The following IGSF3 variants were observed in gnomAD, a reference collection of about 807,000 sequenced individuals.
The protein encoded by IGSF3 is immunoglobulin superfamily member 3.
IGSF3 carries 23 observed loss-of-function variants against 114.4 expected under a neutral mutation model. That is an observed-to-expected ratio of 0.20 (90% CI 0.14 to 0.28). IGSF3 has a LOEUF of 0.28. Ranked by LOEUF, IGSF3 falls within the 10% of genes least tolerant of loss-of-function variation. IGSF3 has a pLI of 1.00. For synonymous variants in IGSF3, 571 were observed against 645.2 expected (o/e 0.88, Z 1.74); for missense variants, 1,172 against 1,591.5 (o/e 0.74, Z 4.48).
Position 116,648,016 on chromosome 1 carries a change from A to G in IGSF3, c.43+18268T>C, listed in dbSNP as rs566482651. Among the ~76,000 whole-genome samples, 1 of 152,200 alleles carries G rather than the reference A, an allele frequency of 6.6e-6. No homozygotes were observed. The highest frequency in any genetic ancestry group is 2.4e-5 in the African/African-American group (1 of 41,442). On this transcript the variant is annotated intron_variant, in intron 2 of 10. Transcript: ENST00000369486. This position sits in a 1 kb window ranked among gnomAD's most constrained non-coding sequence, Gnocchi z 4.7. ...TTACTCGGGAGGCTGAGGCAGGAGA[A>G]TCGCTTGAACCTGGGAGGCAGAGGT...
rs1660264029 is a variant in IGSF3, at chr1:116,594,631, G to A, written c.2029+5310C>T. On this transcript the variant is annotated intron_variant, in intron 7 of 10. Coordinates refer to ENST00000369486, the MANE Select transcript of IGSF3 (RefSeq NM_001007237.3). This position sits in a 1 kb window ranked among gnomAD's most constrained non-coding sequence, Gnocchi z 5.2. ...CACAGCTGGCTTAGTGGTAGAGCTG[G>A]AATTCAAACCCAGGCCGTCTGGTCT... 6.6e-6 allele frequency among the ~76,000 whole-genome samples: 1 copy of A among 152,162 alleles called. No individual in the cohort carries two copies. The highest frequency in any genetic ancestry group is 2.4e-5 in the African/African-American group (1 of 41,428).
rs1176188551 is a variant in IGSF3 at position 116,634,140 on chromosome 1, A to T, written c.44-17683T>A. On this transcript the variant is annotated intron_variant, in intron 2 of 10. Coordinates refer to ENST00000369486, the MANE Select transcript of IGSF3 (RefSeq NM_001007237.3). This position sits in a 1 kb window ranked among gnomAD's most constrained non-coding sequence, Gnocchi z 4.2. ...AGCAGACTTAATTTGCACTGTGTAC[A>T]TCCTTCGGTATCCTTTTTAATTGAA... 6.6e-6 allele frequency among the ~76,000 whole-genome samples: 1 copy of T among 152,262 alleles called. No homozygotes were observed.
At chr1:116,619,689 C>T (rs1661350008) in intron 2 of IGSF3, among the ~76,000 whole-genome samples, 1 of 152,148 alleles carries the variant, frequency 6.6e-6, no homozygotes, top group South Asian at 2.1e-4. Flanking sequence ...GGCTCCCAAA[C>T]CTGACCAGGG....
In IGSF3 at chr1:116,610,958, T is replaced by G. The variant is rs1256737252; in HGVS notation, c.833-2627A>C. On this transcript the variant is annotated intron_variant, in intron 4 of 10. Transcript: ENST00000369486. This position sits in a 1 kb window ranked among gnomAD's most constrained non-coding sequence, Gnocchi z 4.3. ...GCAAAAGTCCCGCATGTCCTCATTATTGTTCCTTCCCTCCCACAGTTCAAG... is the reference window on the plus strand; with the variant it reads ...GCAAAAGTCCCGCATGTCCTCATTAGTGTTCCTTCCCTCCCACAGTTCAAG... Among the ~76,000 whole-genome samples the G allele has an allele frequency of 6.6e-6, 1 of 152,218 alleles. No individual in the cohort carries two copies. The highest frequency in any genetic ancestry group is 1.5e-5 in the Non-Finnish European group (1 of 68,034).
rs573853652 is a variant in IGSF3, at chr1:116,612,066, T to A, written c.832+1699A>T. Among the ~76,000 whole-genome samples the A allele has an allele frequency of 6.6e-6, 1 of 152,330 alleles. No homozygotes were observed. The highest frequency in any genetic ancestry group is 6.5e-5 in the Admixed American group (1 of 15,312). On this transcript the variant is annotated intron_variant, in intron 4 of 10. Transcript: ENST00000369486. This position sits in a 1 kb window ranked among gnomAD's most constrained non-coding sequence, Gnocchi z 4.1. ...TTTCCTTTTGCTGGCTTAGTCTAGA[T>A]ACATTTTCAGGGTAAATTCAAAAAG...
Position 116,627,551 on chromosome 1 carries a change from C to A in IGSF3, c.44-11094G>T, listed in dbSNP as rs1052518264. Among the ~76,000 whole-genome samples the A allele has an allele frequency of 3.9e-5, 6 of 152,248 alleles. No individual in the cohort carries two copies. Among genetic ancestry groups the A allele is most frequent in the African/African-American group, 1.4e-4 (6 of 41,468 alleles). On this transcript the variant is annotated intron_variant, in intron 2 of 10. Coordinates refer to ENST00000369486, the MANE Select transcript of IGSF3 (RefSeq NM_001007237.3). This position sits in a 1 kb window ranked among gnomAD's most constrained non-coding sequence, Gnocchi z 4.7. ...AGTGCGCCTCTCAATGCTCTCACAG[C>A]TTCAGGAAGAGGACTGCTAAGCCCA...
intron 2 of IGSF3, among the ~76,000 whole-genome samples, chr1:116,631,399 C>G (rs1647581290): frequency 6.8e-6 from 1 of 146,612 alleles, no homozygotes; most frequent in African/African-American, 2.5e-5. Flanking sequence ...AATAAGGAAA[C>G]AGATATTCCA....
intron 2 of IGSF3, among the ~76,000 whole-genome samples, chr1:116,622,866 G>A (rs942643218): frequency 1.3e-5 from 2 of 152,238 alleles, no homozygotes; most frequent in Non-Finnish European, 2.9e-5. Context: ...GTGAATATCA[G>A]TGAGAAGTAA....
Position 116,592,208 on chromosome 1 carries a change from A to G in IGSF3, c.2030-3104T>C, listed in dbSNP as rs536417808. ...CAAGATCCCCAGGTGATTCACAAGT[A>G]GCTTCAAGCCTGAGAAACCCTGGAC... On this transcript the variant is annotated intron_variant, in intron 7 of 10. Transcript: ENST00000369486. This position sits in a 1 kb window ranked among gnomAD's most constrained non-coding sequence, Gnocchi z 4.5. Among the ~76,000 whole-genome samples, 3 of 152,358 alleles carry G rather than the reference A, an allele frequency of 2.0e-5. No individual in the cohort carries two copies. The highest frequency in any genetic ancestry group is 7.2e-5 in the African/African-American group (3 of 41,594).
intron 9 of IGSF3, among the ~76,000 whole-genome samples, chr1:116,581,136 T>C (rs756788051): frequency 3.3e-5 from 5 of 152,136 alleles, no homozygotes; most frequent in Admixed American, 6.5e-5. Context: ...TCTCCAAGGA[T>C]TAAAGCCAGA....
In IGSF3 at chr1:116,584,803, G is replaced by A. The variant is rs530790201; in HGVS notation, c.2690C>T (p.Ser897Phe). 5.6e-6 allele frequency: 9 copies of A among 1,614,262 alleles called. No individual in the cohort carries two copies. The South Asian group carries it at 7.7e-5, about 14-fold the overall frequency. Residue 897 changes from serine to phenylalanine, a missense_variant, in exon 9 of 11, where the codon TCC (serine) becomes TTC (phenylalanine). Around this residue, in one of 3 missense-constraint regions of IGSF3, gnomAD observed 423 missense variants for 509.8 expected, o/e 0.83. Transcript: ENST00000369486. This position sits in a 1 kb window ranked among gnomAD's most constrained non-coding sequence, Gnocchi z 5.8. ...GATGAAGAGACGGTACACGCCGGGG[G>A]AAGGACTCTCCAAATGCAGCCGCCC... ...LKGRLHLESPSPGVYRLFIQN... is the reference protein window; with the variant it reads ...LKGRLHLESPFPGVYRLFIQN...
rs1647942765 is a variant in IGSF3 at position 116,638,672 on chromosome 1, A to T, written c.44-22215T>A. ...TCTCTTGTGTTGGTGAGCTAAAAAC[A>T]AGATGGAAAAGAAAAGAGAAGAGGA... On this transcript the variant is annotated intron_variant, in intron 2 of 10. Coordinates refer to ENST00000369486, the MANE Select transcript of IGSF3 (RefSeq NM_001007237.3). This position sits in a 1 kb window ranked among gnomAD's most constrained non-coding sequence, Gnocchi z 4.1. 6.6e-6 allele frequency among the ~76,000 whole-genome samples: 1 copy of T among 152,244 alleles called. No individual in the cohort carries two copies. Among genetic ancestry groups the T allele is most frequent in the Non-Finnish European group, 1.5e-5 (1 of 68,040 alleles).
At chr1:116,581,462 G>C (rs972313103) in intron 9 of IGSF3, among the ~76,000 whole-genome samples, 1 of 151,686 alleles carries the variant, frequency 6.6e-6, no homozygotes, top group African/African-American at 2.4e-5. Context: ...AACTGAAGTA[G>C]AGATACCAAA....
Position 116,614,011 on chromosome 1 carries a change from T to G in IGSF3, c.586A>C (p.Ile196Leu), listed in dbSNP as rs889314761. ...AGCATGAAATCTCGGCTCAGGGAGA[T>G]GACCTCCACGGGCTTCTCGCCAACT... ...QKVGEKPVEV[I>L]SLSRDFMLHS... Residue 196 changes from isoleucine (I) to leucine (L), a missense_variant, in exon 4 of 11, where the codon ATC becomes CTC. Coordinates refer to ENST00000369486, the MANE Select transcript of IGSF3 (RefSeq NM_001007237.3). This position sits in a 1 kb window ranked among gnomAD's most constrained non-coding sequence, Gnocchi z 4.5. 1.2e-6 allele frequency: 2 copies of G among 1,614,054 alleles called. No individual in the cohort carries two copies. The highest frequency in any genetic ancestry group is 1.7e-6 in the Non-Finnish European group (2 of 1,179,962).
rs558491940 is a variant in IGSF3, at chr1:116,638,968, G to A, written c.44-22511C>T. 6.0e-4 allele frequency among the ~76,000 whole-genome samples: 91 copies of A among 152,312 alleles called. No homozygotes were observed. The highest frequency in any genetic ancestry group is 1.1e-3 in the Non-Finnish European group (73 of 68,030). ...GCCACTGCCCAGGAAAAAAGTCACA[G>A]GTAGGAAGACAAGCATAGAATTAAG... On this transcript the variant is annotated intron_variant, in intron 2 of 10. Coordinates refer to ENST00000369486, the MANE Select transcript of IGSF3 (RefSeq NM_001007237.3). This position sits in a 1 kb window ranked among gnomAD's most constrained non-coding sequence, Gnocchi z 4.1.
Position 116,629,551 on chromosome 1 carries a change from G to A in IGSF3, c.44-13094C>T, listed in dbSNP as rs1335548769. Among the ~76,000 whole-genome samples the A allele has an allele frequency of 6.6e-6, 1 of 152,184 alleles. No individual in the cohort carries two copies. The highest frequency in any genetic ancestry group is 1.5e-5 in the Non-Finnish European group (1 of 68,026). On this transcript the variant is annotated intron_variant, in intron 2 of 10. Transcript: ENST00000369486. The surrounding 1 kb of genome is among the most constrained non-coding windows in gnomAD (Gnocchi z 4.3). ...ACAGATGAATTCAGGTTGTGTAAGT[G>A]GAGAGGAGGGAGGTGGCCAAGGAGC... is the stretch of plus-strand genomic sequence containing the variant.
At position 116,651,911 on chromosome 1, in the gene IGSF3, C is replaced by A. The variant is rs892077187; in HGVS notation, c.43+14373G>T. 6.6e-6 allele frequency among the ~76,000 whole-genome samples: 1 copy of A among 152,186 alleles called. No homozygotes were observed. The highest frequency in any genetic ancestry group is 1.5e-5 in the Non-Finnish European group (1 of 68,024). The stretch of plus-strand genomic sequence containing the variant: ...CTTCTTTGCTAGCCTATAAACTACA[C>A]AAAGATGAGGATTATGTCTCCTCCA... On this transcript the variant is annotated intron_variant, in intron 2 of 10. Transcript: ENST00000369486. The surrounding 1 kb of genome is among the most constrained non-coding windows in gnomAD (Gnocchi z 4.4).
chr1:116,586,516 A>G (rs1008163045), intron 8 of IGSF3, among the ~76,000 whole-genome samples: 7 of 152,184 alleles, frequency 4.6e-5, no homozygotes, highest in Non-Finnish European at 7.3e-5. Context: ...AGAAACGAGG[A>G]AAGCTGTTTT....
At position 116,644,800 on chromosome 1, in the gene IGSF3, G is replaced by A. The variant is rs919666220; in HGVS notation, c.43+21484C>T. Among the ~76,000 whole-genome samples, 1 of 152,178 alleles carries A rather than the reference G, an allele frequency of 6.6e-6. No homozygotes were observed. Among genetic ancestry groups the A allele is most frequent in the African/African-American group, 2.4e-5 (1 of 41,438 alleles). On this transcript the variant is annotated intron_variant, in intron 2 of 10. Coordinates refer to ENST00000369486, the MANE Select transcript of IGSF3 (RefSeq NM_001007237.3). The surrounding 1 kb of genome is among the most constrained non-coding windows in gnomAD (Gnocchi z 5.6). The stretch of plus-strand genomic sequence containing the variant: ...CAAGAAATTCCTGTGAAAAGGACAG[G>A]CTCAGGGCATGTGAATGTGATAGTC...
Sources: allele counts gnomAD v4.1 joint callset (sites outside exome capture counted in the v4.1 genomes callset), GRCh38; gene constraint gnomAD v4.1.1; regional missense constraint gnomAD v4.1.1; non-coding constraint Gnocchi (gnomAD v3.1); transcripts MANE v1.5; gene names NCBI Gene and HGNC (gene_info 2026-07-23, HGNC 2026-07-21).